The following BRSK1 variants were observed in gnomAD, a reference collection of about 807,000 sequenced individuals.
BRSK1 encodes the protein serine/threonine-protein kinase BRSK1.
BRSK1 carries 17 observed loss-of-function variants against 86.2 expected under a neutral mutation model. That is an observed-to-expected ratio of 0.20 (90% confidence interval 0.14 to 0.30). The LOEUF (loss-of-function observed/expected upper bound fraction) is 0.30. BRSK1 is among the 10% of genes least tolerant of loss of function. The pLI, the probability that BRSK1 is intolerant of heterozygous loss-of-function variation, is 1.00. For synonymous variants in BRSK1, 464 were observed against 440.1 expected (o/e 1.05, Z -0.68); for missense variants, 719 against 1,071.9 (o/e 0.67, Z 4.60).
chr19:55,297,653 G>A (rs1423952636), intron 7 of BRSK1, among the ~76,000 whole-genome samples: 2 of 151,986 alleles, frequency 1.3e-5, no homozygotes, highest in Non-Finnish European at 2.9e-5. Flanking sequence ...TCTTCACTTG[G>A]TGGCTAAAAG....
rs906811349 is a variant in BRSK1, at chr19:55,310,991, C to T, written c.2180-920C>T. On this transcript the variant is annotated intron_variant, in intron 18 of 18. Transcript: ENST00000309383. This position sits in a 1 kb window ranked among gnomAD's most constrained non-coding sequence, Gnocchi z 5.0. ...TTTTTGTTTTTTTGAGACAGAATCT[C>T]CCTCTGTCGCTCAGGCTGGAGTGCA... 6.6e-6 allele frequency among the ~76,000 whole-genome samples: 1 copy of T among 152,076 alleles called. No individual in the cohort carries two copies. The highest frequency in any genetic ancestry group is 2.4e-5 in the African/African-American group (1 of 41,408).
chr19:55,299,229 G>A (rs190939364), intron 7 of BRSK1, among the ~76,000 whole-genome samples: 6 of 152,312 alleles, frequency 3.9e-5, no homozygotes, highest in Admixed American at 2.6e-4. Context: ...AAAATGTGAC[G>A]AGAGGGTCAA....
chr19:55,297,082 T>C (rs1208835613), intron 7 of BRSK1, among the ~76,000 whole-genome samples: 1 of 152,126 alleles, frequency 6.6e-6, no homozygotes, highest in African/African-American at 2.4e-5. Flanking sequence ...TTTGTTTGTG[T>C]GTGTTTGTTT....
chr19:55,311,425 G>C (rs2088791506), intron 18 of BRSK1, among the ~76,000 whole-genome samples: 1 of 152,146 alleles, frequency 6.6e-6, no homozygotes, highest in South Asian at 2.1e-4. Flanking sequence ...CCTGAGTCAG[G>C]CTGGCCCAGC....
chr19:55,303,398 G>T lies in BRSK1; in HGVS notation c.1116G>T (p.Arg372=). The change falls in exon 11 of 19, where the codon CGG becomes CGT. Residue 372 remains arginine (R), a synonymous_variant. Coordinates refer to ENST00000309383, the MANE Select transcript of BRSK1 (RefSeq NM_032430.2). This position sits in a 1 kb window ranked among gnomAD's most constrained non-coding sequence, Gnocchi z 5.1. Reference sequence around the variant, plus strand: ...GTGAGGACCAGGACCTGCCTCCCCGGAATGATGTTGGTGAGAAGGCAGGGC... The same window carrying T: ...GTGAGGACCAGGACCTGCCTCCCCGTAATGATGTTGGTGAGAAGGCAGGGC... ...PSCEDQDLPP[R]NDVDPPRKRV... is the part of the protein sequence containing the mutation. 3 of 1,613,830 alleles carry T rather than the reference G, an allele frequency of 1.9e-6. No individual in the cohort carries two copies. The highest frequency in any genetic ancestry group is 2.5e-6 in the Non-Finnish European group (3 of 1,179,816).
chr19:55,305,644 C>A (rs560304549), intron 16 of BRSK1, 58 bp downstream of exon 16: 6 of 1,610,038 alleles, frequency 3.7e-6, no homozygotes, highest in African/African-American at 1.3e-5. Context: ...GTCCCAGCAG[C>A]CCCTGGGGCT....
At chr19:55,291,218 C>T (rs1372238432) in intron 4 of BRSK1, among the ~76,000 whole-genome samples, 2 of 152,076 alleles carry the variant, frequency 1.3e-5, no homozygotes, top group African/African-American at 2.4e-5. Flanking sequence ...TGAGCCACTG[C>T]GCCTGGCCTA....
rs962669974 is a variant in BRSK1 at position 55,294,485 on chromosome 19, C to A, written c.678+88C>A. The A allele has an allele frequency of 7.1e-7, 1 of 1,403,524 alleles. No homozygotes were observed. Among genetic ancestry groups the A allele is most frequent in the African/African-American group, 1.4e-5 (1 of 69,056 alleles). 86.9% of individuals were successfully genotyped at this position (1,403,524 alleles called of 1,614,324 possible). A position where few individuals can be genotyped will look rare whatever the true frequency, so the allele number is the denominator to read the frequency against. On this transcript the variant is annotated intron_variant, in intron 7 of 18. Coordinates refer to ENST00000309383, the MANE Select transcript of BRSK1 (RefSeq NM_032430.2). This position sits in a 1 kb window ranked among gnomAD's most constrained non-coding sequence, Gnocchi z 4.9. ...AGTACCTTCCATCCTCAGGTCATCTCCTGAATTTATTTATGAATTTTATTT... is the reference window on the plus strand; with the variant it reads ...AGTACCTTCCATCCTCAGGTCATCTACTGAATTTATTTATGAATTTTATTT...
intron 4 of BRSK1, among the ~76,000 whole-genome samples, chr19:55,290,896 C>T (rs1234526828): frequency 6.6e-6 from 1 of 152,026 alleles, no homozygotes; most frequent in Non-Finnish European, 1.5e-5. Context: ...CCGCCTCGGC[C>T]TCCCAAAGTG....
rs71181750 is a variant in BRSK1, at chr19:55,292,833, C to CA, written c.459-1170dup. Among the ~76,000 whole-genome samples the CA allele has an allele frequency of 3.9e-3, 524 of 132,838 alleles. 1 individual carries two copies. The highest frequency in any genetic ancestry group is 5.3e-3 in the Non-Finnish European group (328 of 61,484). The allele number at this position is 132,838 out of a possible 152,430, so 87.1% of individuals were successfully genotyped here. A position where few individuals can be genotyped will look rare whatever the true frequency, so the allele number is the denominator to read the frequency against. On this transcript the variant is annotated intron_variant, in intron 4 of 18. Coordinates refer to ENST00000309383, the MANE Select transcript of BRSK1 (RefSeq NM_032430.2). ...TGGTCGACAGAGTGAGACTCTGTCT[C>CA]AAAAAAAAAAAAAAGGAAAGTTTCC...
At chr19:55,298,121 G>T (rs928101856) in intron 7 of BRSK1, among the ~76,000 whole-genome samples, 5 of 151,208 alleles carry the variant, frequency 3.3e-5, no homozygotes, top group African/African-American at 1.2e-4. Context: ...AGCCCACTGT[G>T]AGGGTTTAAA....
Position 55,305,054 on chromosome 19 carries a change from G to A in BRSK1, c.1717+134G>A. ...TGGATTCCCACGTTCTAGAGAAGAG[G>A]GGGTTTGAAGCAGAGGTGCACCTGT... On this transcript the variant is annotated intron_variant, in intron 14 of 18. Coordinates refer to ENST00000309383, the MANE Select transcript of BRSK1 (RefSeq NM_032430.2). 8 of 1,385,182 alleles carry A rather than the reference G, an allele frequency of 5.8e-6. No homozygotes were observed. The South Asian group carries it at 8.2e-5, about 14-fold the overall frequency. The allele number at this position is 1,385,182 out of a possible 1,614,324, so 85.8% of individuals were successfully genotyped here. A position where few individuals can be genotyped will look rare whatever the true frequency, so the allele number is the denominator to read the frequency against.
At position 55,306,705 on chromosome 19, in the gene BRSK1, A is replaced by G. The variant is rs147293264; in HGVS notation, c.2089+255A>G. 6.6e-6 allele frequency among the ~76,000 whole-genome samples: 1 copy of G among 152,282 alleles called. No individual in the cohort carries two copies. The highest frequency in any genetic ancestry group is 2.4e-5 in the African/African-American group (1 of 41,562). On this transcript the variant is annotated intron_variant, in intron 17 of 18. Transcript: ENST00000309383. This position sits in a 1 kb window ranked among gnomAD's most constrained non-coding sequence, Gnocchi z 4.7. Reference sequence around the variant, plus strand: ...TCTCCTTGAAGCTTCCAAGCAGCCTACTGAGGTGTTAGTAATCACCCATTT... The same window carrying G: ...TCTCCTTGAAGCTTCCAAGCAGCCTGCTGAGGTGTTAGTAATCACCCATTT...
At chr19:55,305,946 A>G (rs991769917) in intron 16 of BRSK1, among the ~76,000 whole-genome samples, 2 of 152,194 alleles carry the variant, frequency 1.3e-5, no homozygotes, top group Non-Finnish European at 2.9e-5. Flanking sequence ...TCTGTGACAG[A>G]TATGGCTATG....
At chr19:55,298,823 C>T (rs933760890) in intron 7 of BRSK1, among the ~76,000 whole-genome samples, 3 of 152,166 alleles carry the variant, frequency 2.0e-5, no homozygotes, top group East Asian at 1.9e-4. Context: ...TGTTCCTAAG[C>T]GCGGGAGGCT....
In BRSK1 at chr19:55,285,498, C is replaced by T. The variant is rs537329680; in HGVS notation, c.136+920C>T. ...CCATCCTGGGAAACCTCTTCCCTCC[C>T]CACTGTCCTCTGGCCTCCAGTTCTC... On this transcript the variant is annotated intron_variant, in intron 1 of 18. Coordinates refer to ENST00000309383, the MANE Select transcript of BRSK1 (RefSeq NM_032430.2). Among the ~76,000 whole-genome samples the T allele has an allele frequency of 3.9e-5, 6 of 152,254 alleles. No homozygotes were observed. In the South Asian group the frequency reaches 1.2e-3, roughly 32 times the overall value.
chr19:55,306,589 C>A lies in BRSK1; in HGVS notation c.2089+139C>A. ...GTGCCGACTCTCTGTGCTCCTCCTG[C>A]CCACACAGACCGCCCCACAAGCCCA... On this transcript the variant is annotated intron_variant, in intron 17 of 18. Transcript: ENST00000309383. The surrounding 1 kb of genome is among the most constrained non-coding windows in gnomAD (Gnocchi z 4.7). 1 of 890,946 alleles carries A rather than the reference C, an allele frequency of 1.1e-6. No individual in the cohort carries two copies. The allele number at this position is 890,946 out of a possible 1,614,324, so 55.2% of individuals were successfully genotyped here. A position where few individuals can be genotyped will look rare whatever the true frequency, so the allele number is the denominator to read the frequency against.
rs2088582615 is a variant in BRSK1 at position 55,302,258 on chromosome 19, A to G, written c.857+90A>G. ...AAGCGGCTGGGAGGGGTGGGATGCCAGGGTTCCTGAGAGGCAACGGGCTAG... is the reference window on the plus strand; with the variant it reads ...AAGCGGCTGGGAGGGGTGGGATGCCGGGGTTCCTGAGAGGCAACGGGCTAG... On this transcript the variant is annotated intron_variant, in intron 9 of 18. Coordinates refer to ENST00000309383, the MANE Select transcript of BRSK1 (RefSeq NM_032430.2). The surrounding 1 kb of genome is among the most constrained non-coding windows in gnomAD (Gnocchi z 6.3). 6.7e-7 allele frequency: 1 copy of G among 1,488,536 alleles called. No homozygotes were observed. Among genetic ancestry groups the G allele is most frequent in the East Asian group, 2.3e-5 (1 of 44,280 alleles). 92.2% of individuals were successfully genotyped at this position (1,488,536 alleles called of 1,614,324 possible). A position where few individuals can be genotyped will look rare whatever the true frequency, so the allele number is the denominator to read the frequency against.
In BRSK1 at chr19:55,302,744, G is replaced by A. The variant is rs1405017626; in HGVS notation, c.905G>A (p.Arg302His). 3.1e-6 allele frequency: 5 copies of A among 1,612,962 alleles called. No individual in the cohort carries two copies. The highest frequency in any genetic ancestry group is 3.4e-6 in the Non-Finnish European group (4 of 1,179,416). Residue 302 changes from arginine (R) to histidine (H), a missense_variant, in exon 10 of 19, where the codon CGC becomes CAC. Arg to His is a conservative substitution (Grantham distance 29). Coordinates refer to ENST00000309383, the MANE Select transcript of BRSK1 (RefSeq NM_032430.2). The surrounding 1 kb of genome is among the most constrained non-coding windows in gnomAD (Gnocchi z 6.3). ...PDPCLEPAPG[R>H]RVAMRSLPSN... ...CCGTGCCTGGAGCCAGCCCCTGGCC[G>A]CCGGGTAGCCATGCGGAGCCTGCCA...
Sources: gnomAD v4.1 joint callset for allele counts (sites outside exome capture counted in the v4.1 genomes callset) on GRCh38, gnomAD v4.1.1 for gene constraint, Gnocchi (gnomAD v3.1) non-coding constraint, MANE v1.5 for transcripts, NCBI Gene and HGNC (gene_info 2026-07-23, HGNC 2026-07-21) for gene names.